RYR2: variants seen among roughly 807,000 people sequenced by gnomAD.
RYR2 encodes the protein ryanodine receptor 2, also known as cardiac muscle ryanodine receptor-calcium release channel.
RYR2 carries 227 observed loss-of-function variants against 601.1 expected under a neutral mutation model. The observed-to-expected ratio is 0.38, with a 90% CI of 0.34 to 0.42. RYR2 has a LOEUF of 0.42. RYR2 is among the 10% of genes least tolerant of loss of function. The pLI, the probability that RYR2 is intolerant of heterozygous loss-of-function variation, is 1.00. For synonymous variants in RYR2, 2,223 were observed against 2,175.1 expected (o/e 1.02, Z -0.61); for missense variants, 4,646 against 6,156.5 (o/e 0.75, Z 8.21).
chr1:237,604,179 A>T (rs1271130885), intron 35 of RYR2, among the ~76,000 whole-genome samples: 2 of 152,172 alleles, frequency 1.3e-5, no homozygotes, highest in Non-Finnish European at 2.9e-5. Flanking sequence ...GAAGTAAAGC[A>T]CTCCTCAGCA....
intron 24 of RYR2, among the ~76,000 whole-genome samples, chr1:237,529,673 A>G (rs2147932001): frequency 6.6e-6 from 1 of 151,896 alleles, no homozygotes; most frequent in East Asian, 1.9e-4. Flanking sequence ...AGGAGAAACC[A>G]CTCAGTGCCG....
intron 100 of RYR2, among the ~76,000 whole-genome samples, chr1:237,814,365 T>G (rs1661563980): frequency 6.6e-6 from 1 of 152,188 alleles, no homozygotes; most frequent in African/African-American, 2.4e-5. Context: ...TATTCTCTCT[T>G]GAGATAAATT....
At chr1:237,615,575 C>T (rs2148603306) in intron 37 of RYR2, among the ~76,000 whole-genome samples, 1 of 152,198 alleles carries the variant, frequency 6.6e-6, no homozygotes, top group South Asian at 2.1e-4. Flanking sequence ...ATTAATGTCT[C>T]CTCTGTTTAT....
chr1:237,531,715 C>T (rs1479496466), intron 25 of RYR2, among the ~76,000 whole-genome samples: 3 of 152,152 alleles, frequency 2.0e-5, no homozygotes, highest in Non-Finnish European at 4.4e-5. Context: ...ATTGTTACCT[C>T]GTGCAGTTTT....
In RYR2 at chr1:237,456,580, T is replaced by C; in HGVS notation, c.1477-20T>C. 2 of 1,496,582 alleles carry C rather than the reference T, an allele frequency of 1.3e-6. No individual in the cohort carries two copies. The highest frequency in any genetic ancestry group is 1.8e-6 in the Non-Finnish European group (2 of 1,116,612). The allele number at this position is 1,496,582 out of a possible 1,614,324, so 92.7% of individuals were successfully genotyped here. A position where few individuals can be genotyped will look rare whatever the true frequency, so the allele number is the denominator to read the frequency against. The stretch of plus-strand genomic sequence containing the variant: ...GTTTTGGATGTCTGATTGTGATTTT[T>C]TTTTTTTTTAACGTTCCAGGGAATG... On this transcript the variant is annotated intron_variant, in intron 15 of 104. Transcript: ENST00000366574.
chr1:237,314,176 T>G (rs1369332777), intron 2 of RYR2, among the ~76,000 whole-genome samples: 1 of 149,612 alleles, frequency 6.7e-6, no homozygotes, highest in Non-Finnish European at 1.5e-5. Context: ...ACCATTCTCC[T>G]GCCTCAGCCT....
intron 10 of RYR2, among the ~76,000 whole-genome samples, chr1:237,397,956 C>T (rs371091539): frequency 6.6e-6 from 1 of 151,972 alleles, no homozygotes; most frequent in Admixed American, 6.6e-5. Context: ...CTCCTGACCT[C>T]GTGATCCACC....
At chr1:237,082,364 G>A (rs1665804793) in intron 1 of RYR2, among the ~76,000 whole-genome samples, 1 of 151,818 alleles carries the variant, frequency 6.6e-6, no homozygotes, top group Non-Finnish European at 1.5e-5. Flanking sequence ...GATGAGCAAA[G>A]ATGGCGGACA....
rs1553284184 is a variant in RYR2, at chr1:237,081,280, T to TTAA, written c.48+38711_48+38712insTAA. Among the ~76,000 whole-genome samples the TTAA allele has an allele frequency of 1.0e-3, 58 of 56,266 alleles. 1 individual carries two copies. Among genetic ancestry groups the TTAA allele is most frequent in the South Asian group, 3.6e-3 (4 of 1,106 alleles). 36.9% of individuals were successfully genotyped at this position (56,266 alleles called of 152,430 possible). On this transcript the variant is annotated intron_variant, in intron 1 of 104. Transcript: ENST00000366574. Reference sequence around the variant, plus strand: ...ATGTACCCTAAAACTTAGAGTATAATAAAAAAAAAAAAAAAAAAAAAAAGA... The same window carrying TTAA: ...ATGTACCCTAAAACTTAGAGTATAATTAAAAAAAAAAAAAAAAAAAAAAAAAGA...
At chr1:237,728,590 A>G (rs1444060613) in intron 76 of RYR2, among the ~76,000 whole-genome samples, 1 of 152,156 alleles carries the variant, frequency 6.6e-6, no homozygotes, top group African/African-American at 2.4e-5. Flanking sequence ...ACACCATGGA[A>G]TACTATGCAG....
intron 62 of RYR2, among the ~76,000 whole-genome samples, chr1:237,684,058 G>C (rs1258487663): frequency 2.0e-5 from 3 of 151,866 alleles, no homozygotes; most frequent in African/African-American, 7.3e-5. Flanking sequence ...CTCCTGAGTA[G>C]CTGGGATTAC....
intron 17 of RYR2, among the ~76,000 whole-genome samples, chr1:237,490,070 T>C (rs1203741082): frequency 6.6e-6 from 1 of 152,104 alleles, no homozygotes; most frequent in Non-Finnish European, 1.5e-5. Flanking sequence ...CTAAGCAAAT[T>C]AATGCAGGAA....
Position 237,756,398 on chromosome 1 carries a change from T to C in RYR2, c.11245+11T>C. ...TCAGTGCCAGCAAAGGTAAGGTTCC[T>C]TGAGTTCCCCTCACGAGTGTCTGTT... On this transcript the variant is annotated intron_variant, in intron 81 of 104. Coordinates refer to ENST00000366574, the MANE Select transcript of RYR2 (RefSeq NM_001035.3). 1 of 1,580,004 alleles carries C rather than the reference T, an allele frequency of 6.3e-7. No individual in the cohort carries two copies. The highest frequency in any genetic ancestry group is 8.7e-7 in the Non-Finnish European group (1 of 1,151,656).
chr1:237,242,858 G>A (rs1225297194), intron 1 of RYR2, among the ~76,000 whole-genome samples: 2 of 152,106 alleles, frequency 1.3e-5, no homozygotes, highest in East Asian at 1.9e-4. Flanking sequence ...TTGGATGTAC[G>A]TGCAGAAACC....
At chr1:237,628,570 A>G (rs1182693385) in intron 41 of RYR2, among the ~76,000 whole-genome samples, 1 of 152,090 alleles carries the variant, frequency 6.6e-6, no homozygotes, top group Non-Finnish European at 1.5e-5. Context: ...TTATGGCTGC[A>G]TAGTATTCCA....
At chr1:237,791,408 C>T (rs984055113) in intron 92 of RYR2, 21 bp from the exon 93 acceptor site, 1 of 1,355,130 alleles carries the variant, frequency 7.4e-7, no homozygotes, top group Non-Finnish European at 1.0e-6. Context: ...GTGACCTTTT[C>T]ATAATGTTTT....
chr1:237,738,997 T>A (rs1691381076), intron 79 of RYR2, among the ~76,000 whole-genome samples: 1 of 152,228 alleles, frequency 6.6e-6, no homozygotes, highest in Non-Finnish European at 1.5e-5. Flanking sequence ...CTGACTTTTG[T>A]CAACCAAATG....
chr1:237,325,544 C>T (rs1048869565), intron 2 of RYR2, among the ~76,000 whole-genome samples: 7 of 151,750 alleles, frequency 4.6e-5, no homozygotes, highest in South Asian at 2.1e-4. Flanking sequence ...AAAATTTAGC[C>T]GGGCGTGGTG....
At chr1:237,165,738 G>A (rs1362513169) in intron 1 of RYR2, among the ~76,000 whole-genome samples, 4 of 152,014 alleles carry the variant, frequency 2.6e-5, no homozygotes, top group African/African-American at 7.2e-5. Flanking sequence ...ATGGTGAGAA[G>A]TGCCTGTAGT....
Sources: gnomAD v4.1 joint callset for allele counts (sites outside exome capture counted in the v4.1 genomes callset) on GRCh38, gnomAD v4.1.1 for gene constraint, MANE v1.5 for transcripts, NCBI Gene and HGNC (gene_info 2026-07-23, HGNC 2026-07-21) for gene names.